Variants in GNAS observed in about 807,000 individuals in gnomAD.
GNAS encodes GNAS complex locus.
GNAS carries 8 observed loss-of-function variants against 54.5 expected under a neutral mutation model. The observed-to-expected ratio is 0.15, with a 90% CI of 0.09 to 0.26. GNAS has a LOEUF of 0.26. GNAS is among the 10% of genes least tolerant of loss of function. The probability of loss-of-function intolerance (pLI) is 1.00; values close to 1 mark genes in which losing one functional copy is unlikely to be tolerated. For missense variants in GNAS, 170 were observed against 529.8 expected (o/e 0.32, Z 6.67); for synonymous variants, 204 against 191.4 (o/e 1.07, Z -0.54).
At chr20:58,851,822 AG>A (rs1165407730) in intron 1 of GNAS, among the ~76,000 whole-genome samples, 2 of 152,194 alleles carry the variant, frequency 1.3e-5, no homozygotes, top group African/African-American at 2.4e-5. Context: ...AGGGGCTAGA[AG>A]GGTGCTGGAG....
At chr20:58,865,500 A>C (rs937629148) in intron 1 of GNAS, among the ~76,000 whole-genome samples, 3 of 147,990 alleles carry the variant, frequency 2.0e-5, no homozygotes, top group Admixed American at 6.8e-5. Flanking sequence ...GATATATCAT[A>C]TAATATATAC....
At chr20:58,905,732 A>T (rs1207330003) in intron 6 of GNAS, among the ~76,000 whole-genome samples, 1 of 152,226 alleles carries the variant, frequency 6.6e-6, no homozygotes, top group Non-Finnish European at 1.5e-5. Context: ...CAAAATGATG[A>T]TGAGTTTCAT....
intron 1 of GNAS, 142 bp downstream of exon 1, chr20:58,892,007 C>T (rs1487876800): frequency 6.5e-6 from 5 of 770,086 alleles, no homozygotes; most frequent in Non-Finnish European, 7.9e-6. Flanking sequence ...CTGTGGGGGG[C>T]GAGGCCGGAA....
In GNAS at chr20:58,863,892, G is replaced by C. The variant is rs1037082116; in HGVS notation, c.43+23006G>C. On this transcript the variant is annotated intron_variant, in intron 1 of 12. Transcript: ENST00000306090. The surrounding 1 kb of genome is among the most constrained non-coding windows in gnomAD (Gnocchi z 4.1). ...GTAAGTTTGAAGCTGTGGGATATTT[G>C]AGGGGGAAAAAATGAATAATGCTTA... 6.6e-6 allele frequency: 1 copy of C among 152,598 alleles called. No homozygotes were observed. The highest frequency in any genetic ancestry group is 2.4e-5 in the African/African-American group (1 of 41,432). 9.5% of individuals were successfully genotyped at this position (152,598 alleles called of 1,614,324 possible). A position where few individuals can be genotyped will look rare whatever the true frequency, so the allele number is the denominator to read the frequency against.
At chr20:58,845,438 T>C (rs77612018) in intron 1 of GNAS, among the ~76,000 whole-genome samples, 427 of 152,304 alleles carry the variant, frequency 2.8e-3, no homozygotes, top group South Asian at 5.2e-3. Flanking sequence ...GTTTATGCAC[T>C]GCAGGACCTT....
chr20:58,880,605 G>A (rs753810735), intron 1 of GNAS, among the ~76,000 whole-genome samples: 1 of 152,218 alleles, frequency 6.6e-6, no homozygotes, highest in Non-Finnish European at 1.5e-5. Flanking sequence ...GGTATTGGGA[G>A]GAAGGTTAAG....
intron 1 of GNAS, among the ~76,000 whole-genome samples, chr20:58,892,924 TA>T (rs895353203): frequency 3.7e-5 from 5 of 133,924 alleles, no homozygotes; most frequent in Middle Eastern, 3.8e-3. Context: ...AATAAACCAT[TA>T]AAAAAAACAC....
At chr20:58,860,396 T>C (rs755321138) in intron 1 of GNAS, among the ~76,000 whole-genome samples, 12 of 152,036 alleles carry the variant, frequency 7.9e-5, no homozygotes, top group Admixed American at 1.3e-4. Context: ...TTCTTCTTGT[T>C]TAGGTTTCCA....
intron 1 of GNAS, among the ~76,000 whole-genome samples, chr20:58,870,916 A>G (rs968519): frequency 0.48 from 72,323 of 151,958 alleles, 17,777 homozygotes; most frequent in East Asian, 0.66. Flanking sequence ...CCCCCAGCCT[A>G]CCCTCACCCT....
chr20:58,891,651 C>G lies in GNAS; in HGVS notation c.-76C>G. ...CCCGCCCGCCCGGCGCTGCCCCGGCCCTCCCGGCCCGCGTGAGGCCGCCCG... is the reference window on the plus strand; with the variant it reads ...CCCGCCCGCCCGGCGCTGCCCCGGCGCTCCCGGCCCGCGTGAGGCCGCCCG... On this transcript the variant is annotated 5_prime_UTR_variant, in exon 1 of 13. Coordinates refer to ENST00000371085, the MANE Select transcript of GNAS (RefSeq NM_000516.7). 1.0e-6 allele frequency: 1 copy of G among 971,818 alleles called. No homozygotes were observed. The highest frequency in any genetic ancestry group is 4.7e-5 in the South Asian group (1 of 21,422). 60.2% of individuals were successfully genotyped at this position (971,818 alleles called of 1,614,324 possible).
In GNAS at chr20:58,911,182, T is replaced by C. The variant is rs1443287071; in HGVS notation, c.*353T>C. 2.1e-6 allele frequency: 1 copy of C among 475,316 alleles called. No individual in the cohort carries two copies. The highest frequency in any genetic ancestry group is 3.9e-6 in the Non-Finnish European group (1 of 255,026). The allele number at this position is 475,316 out of a possible 1,614,324, so 29.4% of individuals were successfully genotyped here. On this transcript the variant is annotated 3_prime_UTR_variant, in exon 13 of 13. Transcript: ENST00000371085. Reference sequence around the variant, plus strand: ...AAAAAATCAAAATAAAAATTAAATGTGAGCAAAGAATGATGGGACTCCCGT... The same window carrying C: ...AAAAAATCAAAATAAAAATTAAATGCGAGCAAAGAATGATGGGACTCCCGT...
At chr20:58,871,613 G>GAAAAAAAAAAAAA (rs757702769) in intron 1 of GNAS, among the ~76,000 whole-genome samples, 2 of 32,730 alleles carry the variant, frequency 6.1e-5, no homozygotes, top group Non-Finnish European at 1.4e-4. Flanking sequence ...ATACTCCGTC[G>GAAAAAAAAAAAAA]AAAAAAAAAA....
Position 58,853,320 on chromosome 20 carries a change from C to T in GNAS, c.43+12434C>T. 1.3e-6 allele frequency: 2 copies of T among 1,550,132 alleles called. No individual in the cohort carries two copies. The highest frequency in any genetic ancestry group is 1.7e-6 in the Non-Finnish European group (2 of 1,146,494). ...TAATATGTCAGGACAACGCGATATC[C>T]CCCCTGAAATCGGGGAACAGCCCGA... On this transcript the variant is annotated intron_variant, in intron 1 of 12. Coordinates refer to the GNAS transcript ENST00000306090. This position sits in a 1 kb window ranked among gnomAD's most constrained non-coding sequence, Gnocchi z 4.4.
chr20:58,891,932 G>T, intron 1 of GNAS, 67 bp downstream of exon 1: 1 of 920,326 alleles, frequency 1.1e-6, no homozygotes, highest in Non-Finnish European at 1.3e-6. Context: ...CAGGCCGCGC[G>T]CGCCGAGCCC....
chr20:58,903,578 C>T lies in GNAS; in HGVS notation c.305C>T (p.Ala102Val), dbSNP rs1131691999. ...VQDIKNNLKE[A>V]IETIVAAMSN... ...GACATCAAAAACAACCTGAAAGAGG[C>T]GATTGAAGTACGTGCTGGCTCCTTG... is the stretch of plus-strand genomic sequence containing the variant. The change falls in exon 4 of 13, where the codon GCG (alanine) becomes GTG (valine). Residue 102 changes from alanine to valine, a missense_variant. Transcript: ENST00000371085. 6.2e-7 allele frequency: 1 copy of T among 1,613,946 alleles called. No individual in the cohort carries two copies. The highest frequency in any genetic ancestry group is 8.5e-7 in the Non-Finnish European group (1 of 1,179,828).
intron 1 of GNAS, among the ~76,000 whole-genome samples, chr20:58,880,573 G>T (rs1452207526): frequency 1.3e-5 from 2 of 152,178 alleles, no homozygotes; most frequent in East Asian, 3.8e-4. Flanking sequence ...CGTGACAGCT[G>T]GGTGATTTCA....
intron 6 of GNAS, among the ~76,000 whole-genome samples, chr20:58,908,067 T>A (rs1181702192): frequency 1.3e-5 from 2 of 152,190 alleles, no homozygotes. Flanking sequence ...GGCAAGTTAG[T>A]ATATCCTCTA....
In GNAS at chr20:58,854,373, G is replaced by C. The variant is rs754566023; in HGVS notation, c.43+13487G>C. On this transcript the variant is annotated intron_variant, in intron 1 of 12. Transcript: ENST00000306090. ...GGAAGGAGCCGCTGATGCCGCGGAG[G>C]GAGGAAAAGTACCCTCTCCGGGGTA... 2.5e-6 allele frequency: 4 copies of C among 1,572,296 alleles called. No homozygotes were observed. The African/African-American group carries it at 4.1e-5, about 16-fold the overall frequency.
chr20:58,847,994 G>A (rs2086000905), intron 1 of GNAS, among the ~76,000 whole-genome samples: 1 of 152,222 alleles, frequency 6.6e-6, no homozygotes, highest in Admixed American at 6.5e-5. Context: ...GAACGGGGCT[G>A]TAATGGTGCT....
Sources: gnomAD v4.1 joint callset for allele counts (sites outside exome capture counted in the v4.1 genomes callset) on GRCh38, gnomAD v4.1.1 for gene constraint, Gnocchi (gnomAD v3.1) non-coding constraint, MANE v1.5 for transcripts, NCBI Gene and HGNC (gene_info 2026-07-23, HGNC 2026-07-21) for gene names.